The following DDX10 variants were observed in gnomAD, a reference collection of about 807,000 sequenced individuals.
The protein encoded by DDX10 is DEAD-box helicase 10.
A neutral mutation model predicts 104.3 loss-of-function variants in DDX10; 74 were observed. The observed-to-expected ratio is 0.71, with a 90% CI of 0.59 to 0.86. DDX10 has a LOEUF of 0.86. Among genes scored for constraint, DDX10 ranks in the 40% least tolerant of loss-of-function variants. DDX10 has a pLI of 0.00. For synonymous variants in DDX10, 351 were observed against 353.4 expected, an observed-to-expected ratio of 0.99 and a Z score of 0.08; for missense variants, 952 against 1,040.0, an observed-to-expected ratio of 0.92 and a Z score of 1.16.
At chr11:108,700,683 G>T (rs1947928) in intron 9 of DDX10, among the ~76,000 whole-genome samples, 133,471 of 152,216 alleles carry the variant, frequency 0.88, 58,922 homozygotes, top group East Asian at 0.99. Context: ...GGTTTGAATT[G>T]GACTTTGTCA....
At chr11:108,749,072 C>G (rs1191749376) in intron 13 of DDX10, among the ~76,000 whole-genome samples, 2 of 150,266 alleles carry the variant, frequency 1.3e-5, no homozygotes, top group African/African-American at 2.5e-5. Context: ...CTCTCTCTTT[C>G]TCTCTCTCTC....
intron 9 of DDX10, among the ~76,000 whole-genome samples, chr11:108,701,675 C>CTTTTTTT (rs55916940): frequency 0.011 from 830 of 77,408 alleles, 14 homozygotes; most frequent in Middle Eastern, 0.015. Context: ...TTCTTCTTCT[C>CTTTTTTT]TTTTTTTTTT....
chr11:108,863,638 A>G (rs1373098737), intron 16 of DDX10, among the ~76,000 whole-genome samples: 1 of 152,186 alleles, frequency 6.6e-6, no homozygotes, highest in African/African-American at 2.4e-5. Context: ...TGAGTTGTGC[A>G]TGTCTGAATT....
intron 13 of DDX10, among the ~76,000 whole-genome samples, chr11:108,729,116 C>T (rs1565260716): frequency 6.6e-6 from 1 of 152,128 alleles, no homozygotes. Context: ...CTCATGTAAA[C>T]ACTTACTTTA....
chr11:108,764,524 T>C (rs1416740592), intron 13 of DDX10, among the ~76,000 whole-genome samples: 1 of 152,036 alleles, frequency 6.6e-6, no homozygotes, highest in Non-Finnish European at 1.5e-5. Context: ...AAAAAATTAG[T>C]TGAGTATGGT....
chr11:108,776,858 C>T (rs988614985), intron 13 of DDX10, among the ~76,000 whole-genome samples: 2 of 152,158 alleles, frequency 1.3e-5, no homozygotes, highest in African/African-American at 2.4e-5. Context: ...AGTCCTACAA[C>T]CGGAAAGGAA....
intron 14 of DDX10, 40 bp from the exon 15 acceptor site, chr11:108,841,275 C>G: frequency 1.3e-6 from 2 of 1,578,838 alleles, no homozygotes; most frequent in Non-Finnish European, 1.7e-6. Flanking sequence ...CTGGGGTATT[C>G]CCTACTTCCT....
intron 17 of DDX10, among the ~76,000 whole-genome samples, chr11:108,924,442 A>T (rs2134669988): frequency 6.6e-6 from 1 of 152,316 alleles, no homozygotes; most frequent in Non-Finnish European, 1.5e-5. Context: ...TACAGAGTAA[A>T]CTATTCCACA....
At chr11:108,925,755 T>A (rs937718456) in intron 17 of DDX10, among the ~76,000 whole-genome samples, 1 of 152,158 alleles carries the variant, frequency 6.6e-6, no homozygotes, top group African/African-American at 2.4e-5. Context: ...ATTTTCGCTA[T>A]TGTAAGTAAT....
At chr11:108,889,324 A>G (rs1242172794) in intron 16 of DDX10, among the ~76,000 whole-genome samples, 1 of 152,152 alleles carries the variant, frequency 6.6e-6, no homozygotes, top group Non-Finnish European at 1.5e-5. Context: ...TTTATGACCT[A>G]GAAGTACTGT....
intron 16 of DDX10, among the ~76,000 whole-genome samples, chr11:108,916,521 T>C (rs559814653): frequency 6.6e-6 from 1 of 152,326 alleles, no homozygotes; most frequent in South Asian, 2.1e-4. Context: ...GTGAATAGCA[T>C]AATAGTGCTA....
intron 13 of DDX10, among the ~76,000 whole-genome samples, chr11:108,790,156 T>C (rs1285812672): frequency 6.6e-6 from 1 of 152,156 alleles, no homozygotes; most frequent in Non-Finnish European, 1.5e-5. Flanking sequence ...GGTGAGAAAT[T>C]CAACCATAGA....
chr11:108,829,369 C>T (rs1353229613), intron 13 of DDX10, among the ~76,000 whole-genome samples: 1 of 152,116 alleles, frequency 6.6e-6, no homozygotes, highest in African/African-American at 2.4e-5. Context: ...AGCATTTTTC[C>T]ACATGCTTAT....
chr11:108,713,139 T>C (rs2134467097), intron 10 of DDX10, among the ~76,000 whole-genome samples: 1 of 152,288 alleles, frequency 6.6e-6, no homozygotes, highest in South Asian at 2.1e-4. Flanking sequence ...CTAGGTATAG[T>C]CTCAGTCTGT....
chr11:108,793,494 T>G (rs1240686245), intron 13 of DDX10, among the ~76,000 whole-genome samples: 1 of 152,176 alleles, frequency 6.6e-6, no homozygotes, highest in African/African-American at 2.4e-5. Flanking sequence ...AGGTACACCT[T>G]TACCTCAACA....
At chr11:108,939,065 A>G (rs1260561420) in intron 17 of DDX10, among the ~76,000 whole-genome samples, 1 of 152,224 alleles carries the variant, frequency 6.6e-6, no homozygotes, top group Non-Finnish European at 1.5e-5. Context: ...ATTGAGCACT[A>G]CTGTGTGTTC....
chr11:108,732,269 G>T (rs573078542), intron 13 of DDX10, among the ~76,000 whole-genome samples: 11 of 152,250 alleles, frequency 7.2e-5, no homozygotes, highest in African/African-American at 1.9e-4. Context: ...TTTCGGAGGA[G>T]GAAAGGAAGG....
intron 13 of DDX10, among the ~76,000 whole-genome samples, chr11:108,790,801 C>T (rs919628227): frequency 6.6e-6 from 1 of 151,840 alleles, no homozygotes; most frequent in Non-Finnish European, 1.5e-5. Flanking sequence ...CTTAAGGTAC[C>T]TCCCACCCAC....
intron 14 of DDX10, 63 bp downstream of exon 14, chr11:108,838,628 C>T (rs962960957): frequency 1.3e-6 from 2 of 1,519,492 alleles, no homozygotes; most frequent in African/African-American, 1.4e-5. Context: ...GATCGACTCT[C>T]TCTTACTTAG....
Sources: allele counts gnomAD v4.1 joint callset (sites outside exome capture counted in the v4.1 genomes callset), GRCh38; gene constraint gnomAD v4.1.1; transcripts MANE v1.5; gene names NCBI Gene and HGNC (gene_info 2026-07-23, HGNC 2026-07-21).